PCDH15: variants seen among roughly 807,000 people sequenced by gnomAD.
The protein encoded by PCDH15 is protocadherin-15.
PCDH15 carries 129 observed loss-of-function variants against 178.5 expected under a neutral mutation model. The observed-to-expected ratio is 0.72, with a 90% CI of 0.63 to 0.84. PCDH15 has a LOEUF of 0.84. Among genes scored for constraint, PCDH15 ranks in the 40% least tolerant of loss-of-function variants. The pLI is 0.00. For synonymous variants in PCDH15, 800 were observed against 732.0 expected (o/e 1.09, Z -1.50); for missense variants, 2,230 against 2,099.9 (o/e 1.06, Z -1.21).
In PCDH15 at chr10:55,147,183, AC is replaced by A. The variant is rs375368700; in HGVS notation, c.-80+19392del. Among the ~76,000 whole-genome samples, 409 of 151,622 alleles carry A rather than the reference AC, an allele frequency of 2.7e-3. 1 individual carries two copies. Among genetic ancestry groups the A allele is most frequent in the African/African-American group, 9.3e-3 (386 of 41,512 alleles). On this transcript the variant is annotated intron_variant, in intron 2 of 5. Transcript: ENST00000458638. The stretch of plus-strand genomic sequence containing the variant: ...TATATTATATGACTGGTGTGTCTAG[AC>A]TTTTAAAATCACCAGTGGTCAATTG...
chr10:54,464,105 C>T (rs1474528769), intron 3 of PCDH15, among the ~76,000 whole-genome samples: 1 of 152,142 alleles, frequency 6.6e-6, no homozygotes, highest in Non-Finnish European at 1.5e-5. Flanking sequence ...ACAGCCAGGG[C>T]TCTGTTGCAC....
At chr10:55,070,195 T>A (rs1841693731) in intron 2 of PCDH15, among the ~76,000 whole-genome samples, 1 of 152,076 alleles carries the variant, frequency 6.6e-6, no homozygotes, top group African/African-American at 2.4e-5. Flanking sequence ...GTCAGATGAG[T>A]AGGTTGCGAA....
chr10:55,558,512 A>G (rs1842133515), intron 2 of PCDH15, among the ~76,000 whole-genome samples: 1 of 152,158 alleles, frequency 6.6e-6, no homozygotes, highest in South Asian at 2.1e-4. Context: ...TTTATTTTAT[A>G]TGAAAGTAAT....
At chr10:53,857,385 CAGGAACAA>C in intron 27 of PCDH15, 122 bp from the exon 28 acceptor site, 1 of 734,890 alleles carries the variant, frequency 1.4e-6, no homozygotes, top group African/African-American at 1.8e-5. Context: ...TTTTCAAATT[CAGGAACAA>C]ATATATATAC....
chr10:54,832,764 A>G (rs761095184), intron 3 of PCDH15, among the ~76,000 whole-genome samples: 18 of 152,192 alleles, frequency 1.2e-4, no homozygotes, highest in Admixed American at 3.3e-4. Flanking sequence ...CAATATGACA[A>G]AAAACATTAT....
chr10:54,837,877 A>G (rs1475207479), intron 3 of PCDH15, among the ~76,000 whole-genome samples: 1 of 152,098 alleles, frequency 6.6e-6, no homozygotes, highest in Non-Finnish European at 1.5e-5. Flanking sequence ...CTACAGACCC[A>G]AAACAGTCCC....
chr10:54,851,768 C>A (rs1157850536), intron 3 of PCDH15, among the ~76,000 whole-genome samples: 2 of 152,038 alleles, frequency 1.3e-5, no homozygotes, highest in East Asian at 3.9e-4. Flanking sequence ...CGGGGTTTTA[C>A]CATGTTGGTC....
chr10:53,970,288 T>C (rs1564892225), intron 21 of PCDH15, among the ~76,000 whole-genome samples: 1 of 152,020 alleles, frequency 6.6e-6, no homozygotes, highest in Non-Finnish European at 1.5e-5. Flanking sequence ...GGTAAAGGGA[T>C]CAATTCAACA....
chr10:54,743,326 G>A (rs897866934), intron 1 of PCDH15, among the ~76,000 whole-genome samples: 7 of 151,974 alleles, frequency 4.6e-5, no homozygotes, highest in Admixed American at 2.0e-4. Flanking sequence ...GGTACATTAA[G>A]GAGAAGGTAT....
chr10:54,400,092 A>C (rs537300930), intron 3 of PCDH15, among the ~76,000 whole-genome samples: 1 of 152,202 alleles, frequency 6.6e-6, no homozygotes, highest in South Asian at 2.1e-4. Flanking sequence ...CTACAAAAGG[A>C]TATCCAAGCG....
At chr10:54,682,032 GA>G (rs2094910538) in intron 1 of PCDH15, among the ~76,000 whole-genome samples, 1 of 152,126 alleles carries the variant, frequency 6.6e-6, no homozygotes, top group South Asian at 2.1e-4. Context: ...GGATTCCTTT[GA>G]AAAGTAATAG....
intron 15 of PCDH15, among the ~76,000 whole-genome samples, chr10:54,111,719 C>T (rs1388242460): frequency 2.6e-5 from 4 of 151,874 alleles, no homozygotes; most frequent in Admixed American, 2.6e-4. Flanking sequence ...TCTAAAAGCA[C>T]AGCAGATAAT....
rs74728489 is a variant in PCDH15 at position 55,328,445 on chromosome 10, T to C, written c.-155-161794A>G. On this transcript the variant is annotated intron_variant, in intron 2 of 5. Coordinates refer to the PCDH15 transcript ENST00000613346. ...TTACTATACTGAATACTGTAGGCAA[T>C]TGAAACACAATGGTATTTGTTTATC... Among the ~76,000 whole-genome samples the C allele has an allele frequency of 3.0e-3, 461 of 151,960 alleles. 3 individuals are homozygous for C. Among genetic ancestry groups the C allele is most frequent in the African/African-American group, 0.011 (441 of 41,500 alleles).
chr10:54,234,024 T>A (rs887165750), intron 9 of PCDH15, among the ~76,000 whole-genome samples: 19 of 152,060 alleles, frequency 1.2e-4, no homozygotes, highest in African/African-American at 4.6e-4. Context: ...ATGTGGTAAT[T>A]TACTGTTAGC....
intron 29 of PCDH15, among the ~76,000 whole-genome samples, chr10:53,831,819 T>A (rs893376062): frequency 1.3e-5 from 2 of 152,162 alleles, no homozygotes; most frequent in African/African-American, 2.4e-5. Flanking sequence ...TTAATATTAC[T>A]GTGTCAAAAT....
chr10:55,385,303 C>T lies in PCDH15; in HGVS notation c.-155-218652G>A, dbSNP rs1196384825. 2.6e-5 allele frequency among the ~76,000 whole-genome samples: 4 copies of T among 152,106 alleles called. No individual in the cohort carries two copies. The East Asian group carries it at 5.8e-4, about 22-fold the overall frequency. On this transcript the variant is annotated intron_variant, in intron 2 of 5. Transcript: ENST00000613346. ...TCAAGATAGTCACATGGAGAGGTCA[C>T]GTGGAAGGACAGATTACCAATGGAA...
chr10:54,050,169 G>A (rs2093737839), intron 18 of PCDH15, among the ~76,000 whole-genome samples: 1 of 152,110 alleles, frequency 6.6e-6, no homozygotes, highest in South Asian at 2.1e-4. Flanking sequence ...GGTAGAATTT[G>A]GCTGTGAATC....
In PCDH15 at chr10:55,614,015, G is replaced by A. The variant is rs1233820356; in HGVS notation, c.-156+13610C>T. ...TGTAGTCCCAGCTACTCGGGAGGCTGAGGTGGGAGAATGGCTTGAACCGGG... is the reference window on the plus strand; with the variant it reads ...TGTAGTCCCAGCTACTCGGGAGGCTAAGGTGGGAGAATGGCTTGAACCGGG... On this transcript the variant is annotated intron_variant, in intron 2 of 5. Transcript: ENST00000613346. Among the ~76,000 whole-genome samples, 10 of 152,010 alleles carry A rather than the reference G, an allele frequency of 6.6e-5. No individual in the cohort carries two copies. The East Asian group carries it at 1.9e-3, about 30-fold the overall frequency.
At chr10:54,076,900 ATCTG>A (rs2094351410) in intron 17 of PCDH15, among the ~76,000 whole-genome samples, 1 of 152,048 alleles carries the variant, frequency 6.6e-6, no homozygotes, top group Admixed American at 6.5e-5. Flanking sequence ...AATTCCATCC[ATCTG>A]TCTGTGTTTA....
Sources: gnomAD v4.1 joint callset for allele counts (sites outside exome capture counted in the v4.1 genomes callset) on GRCh38, gnomAD v4.1.1 for gene constraint, MANE v1.5 for transcripts, NCBI Gene and HGNC (gene_info 2026-07-23, HGNC 2026-07-21) for gene names.